Variants in SERTM1 observed in about 807,000 individuals in gnomAD.
SERTM1 encodes serine-rich and transmembrane domain-containing protein 1.
Under a neutral mutation model 5.5 loss-of-function variants are expected in SERTM1, and 1 was observed. That is an observed-to-expected ratio of 0.18 (90% CI 0.06 to 0.86). The LOEUF is 0.86. Ranked by LOEUF, SERTM1 falls within the 40% of genes least tolerant of loss-of-function variation. SERTM1 has a pLI of 0.69. For missense variants in SERTM1, 91 were observed against 122.4 expected (o/e 0.74, Z 1.21); for synonymous variants, 52 against 55.1 (o/e 0.94, Z 0.25).
intron 1 of SERTM1, among the ~76,000 whole-genome samples, chr13:36,690,617 T>C (rs965864073): frequency 2.0e-5 from 3 of 152,218 alleles, no homozygotes; most frequent in African/African-American, 7.2e-5. Flanking sequence ...CAAGGTCTTA[T>C]ATAAAACATG....
intron 1 of SERTM1, among the ~76,000 whole-genome samples, chr13:36,677,258 G>A (rs1003122312): frequency 2.0e-5 from 3 of 152,156 alleles, no homozygotes; most frequent in Non-Finnish European, 2.9e-5. Flanking sequence ...TGTCTGAGCC[G>A]TCAAACAGCC....
At chr13:36,674,629 T>C (rs909547768) in intron 1 of SERTM1, among the ~76,000 whole-genome samples, 1 of 152,088 alleles carries the variant, frequency 6.6e-6, no homozygotes, top group African/African-American at 2.4e-5. Flanking sequence ...TTTGCCTTTG[T>C]GGTGTGTGGA....
intron 1 of SERTM1, among the ~76,000 whole-genome samples, chr13:36,682,810 T>C (rs2056714032): frequency 6.6e-6 from 1 of 152,252 alleles, no homozygotes; most frequent in Non-Finnish European, 1.5e-5. Context: ...GATAATATTC[T>C]ACCCCTTCCT....
chr13:36,694,504 T>A (rs2056800051), intron 1 of SERTM1, among the ~76,000 whole-genome samples: 1 of 152,336 alleles, frequency 6.6e-6, no homozygotes, highest in South Asian at 2.1e-4. Context: ...GATTTACTGG[T>A]CAGGAATTAT....
At chr13:36,678,695 A>ATATATATATATATATATAT (rs1395603891) in intron 1 of SERTM1, among the ~76,000 whole-genome samples, 19 of 147,470 alleles carry the variant, frequency 1.3e-4, no homozygotes, top group Non-Finnish European at 2.1e-4. Context: ...ATATATATAT[A>ATATATATATATATATATAT]AAATATAGTC....
intron 1 of SERTM1, among the ~76,000 whole-genome samples, chr13:36,688,410 T>C (rs1200581390): frequency 6.6e-6 from 1 of 152,036 alleles, no homozygotes; most frequent in African/African-American, 2.4e-5. Flanking sequence ...ATAGGTTTTC[T>C]TCATGTTGCC....
intron 1 of SERTM1, among the ~76,000 whole-genome samples, chr13:36,684,577 C>T (rs1593394659): frequency 6.6e-6 from 1 of 152,064 alleles, no homozygotes; most frequent in Non-Finnish European, 1.5e-5. Flanking sequence ...AGACAGACTG[C>T]TACTCCTCAA....
At chr13:36,682,585 A>G (rs2056711940) in intron 1 of SERTM1, among the ~76,000 whole-genome samples, 1 of 152,186 alleles carries the variant, frequency 6.6e-6, no homozygotes, top group African/African-American at 2.4e-5. Context: ...ATATGTACAC[A>G]TATAAGGATT....
In SERTM1 at chr13:36,674,088, G is replaced by A. The variant is rs2056654699; in HGVS notation, c.-270G>A. On this transcript the variant is annotated 5_prime_UTR_variant, in exon 1 of 2. Transcript: ENST00000315190. ...CCGCGCCGCTGCGCCCAACATTCCC[G>A]AGGACGGCTTCGCGGGCGCGTATCG... The A allele has an allele frequency of 1.3e-5, 2 of 152,344 alleles. No homozygotes were observed. Among genetic ancestry groups the A allele is most frequent in the Admixed American group, 6.5e-5 (1 of 15,302 alleles). 9.4% of individuals were successfully genotyped at this position (152,344 alleles called of 1,614,324 possible).
intron 1 of SERTM1, among the ~76,000 whole-genome samples, chr13:36,690,571 G>C (rs2056771681): frequency 6.6e-6 from 1 of 152,202 alleles, no homozygotes; most frequent in Non-Finnish European, 1.5e-5. Context: ...AGCATTAAAA[G>C]AGAAGATAAT....
chr13:36,686,953 C>T (rs1363062625), intron 1 of SERTM1, among the ~76,000 whole-genome samples: 2 of 152,116 alleles, frequency 1.3e-5, no homozygotes, highest in African/African-American at 4.8e-5. Context: ...CCTAAGCTGC[C>T]AATTAATAGG....
rs1177738645 is a variant in SERTM1, at chr13:36,696,201, A to G, written c.*799A>G. The G allele has an allele frequency of 6.0e-6, 1 of 166,940 alleles. No homozygotes were observed. The highest frequency in any genetic ancestry group is 1.5e-5 in the Non-Finnish European group (1 of 68,116). The allele number at this position is 166,940 out of a possible 1,614,324, so 10.3% of individuals were successfully genotyped here. On this transcript the variant is annotated 3_prime_UTR_variant, in exon 2 of 2. Coordinates refer to ENST00000315190, the MANE Select transcript of SERTM1 (RefSeq NM_203451.3). Reference sequence around the variant, plus strand: ...AGAAGAGATGCCAAGAAGTTTTTATATGAATAATTTCTATCAGTGAGAATT... The same window carrying G: ...AGAAGAGATGCCAAGAAGTTTTTATGTGAATAATTTCTATCAGTGAGAATT...
intron 1 of SERTM1, among the ~76,000 whole-genome samples, chr13:36,693,003 A>G (rs1428258894): frequency 6.6e-6 from 1 of 152,250 alleles, no homozygotes; most frequent in Non-Finnish European, 1.5e-5. Context: ...TTATCTGCCC[A>G]CGCAGAAAAG....
At chr13:36,675,647 A>G (rs2056665306) in intron 1 of SERTM1, among the ~76,000 whole-genome samples, 1 of 151,786 alleles carries the variant, frequency 6.6e-6, no homozygotes, top group Non-Finnish European at 1.5e-5. Flanking sequence ...TAAGTAGAGT[A>G]GTGTCTTTTC....
chr13:36,685,881 C>A (rs939758399), intron 1 of SERTM1, among the ~76,000 whole-genome samples: 1 of 152,152 alleles, frequency 6.6e-6, no homozygotes, highest in African/African-American at 2.4e-5. Context: ...TACTTTGAAC[C>A]TGGACCACGC....
In SERTM1 at chr13:36,695,280, A is replaced by G. The variant is rs1268546389; in HGVS notation, c.202A>G (p.Asn68Asp). The part of the protein sequence containing the change: ...LLIIALQRLK[N>D]IISSSSSYPE... The stretch of plus-strand genomic sequence containing the variant: ...AATCATTGCCCTCCAGAGGCTCAAA[A>G]ATATCATCTCCTCCAGTTCCTCCTA... The change falls in exon 2 of 2, where the codon AAT becomes GAT. Residue 68 changes from asparagine (N) to aspartate (D), a missense_variant. Physicochemically the swap from Asn to Asp is conservative, Grantham distance 23. Coordinates refer to ENST00000315190, the MANE Select transcript of SERTM1 (RefSeq NM_203451.3). 2 of 1,614,032 alleles carry G rather than the reference A, an allele frequency of 1.2e-6. No individual in the cohort carries two copies. Among genetic ancestry groups the G allele is most frequent in the Non-Finnish European group, 1.7e-6 (2 of 1,180,028 alleles).
intron 1 of SERTM1, among the ~76,000 whole-genome samples, chr13:36,684,154 G>A (rs938872348): frequency 1.8e-4 from 27 of 152,084 alleles, no homozygotes; most frequent in Admixed American, 7.9e-4. Flanking sequence ...AAAATTAGCC[G>A]GACGTGGTGG....
rs1276109203 is a variant in SERTM1 at position 36,697,151 on chromosome 13, G to A, written c.*1749G>A. The A allele has an allele frequency of 6.0e-6, 1 of 166,770 alleles. No individual in the cohort carries two copies. Among genetic ancestry groups the A allele is most frequent in the Non-Finnish European group, 1.5e-5 (1 of 68,082 alleles). 10.3% of individuals were successfully genotyped at this position (166,770 alleles called of 1,614,324 possible). On this transcript the variant is annotated 3_prime_UTR_variant, in exon 2 of 2. Transcript: ENST00000315190. Reference sequence around the variant, plus strand: ...TGCTGCCCTAAAATGTATAATTAGTGAAAAATTTACCTCTGCTTCCATTTA... The same window carrying A: ...TGCTGCCCTAAAATGTATAATTAGTAAAAAATTTACCTCTGCTTCCATTTA...
At chr13:36,694,405 T>C (rs2056799390) in intron 1 of SERTM1, among the ~76,000 whole-genome samples, 1 of 152,236 alleles carries the variant, frequency 6.6e-6, no homozygotes, top group Admixed American at 6.5e-5. Context: ...TTCAAGGAGA[T>C]AGAATTTTCA....
Sources: gnomAD v4.1 joint callset for allele counts (sites outside exome capture counted in the v4.1 genomes callset) on GRCh38, gnomAD v4.1.1 for gene constraint, MANE v1.5 for transcripts, NCBI Gene and HGNC (gene_info 2026-07-23, HGNC 2026-07-21) for gene names.